The following ZPBP variants were observed in gnomAD, a reference collection of about 807,000 sequenced individuals.
The protein encoded by ZPBP is zona pellucida binding protein, also known as zona pellucida-binding protein 1.
ZPBP carries 26 observed loss-of-function variants against 44.8 expected under a neutral mutation model. The ratio of observed to expected loss-of-function variants is 0.58; its 90% CI spans 0.43 to 0.81. The LOEUF is 0.81. Ranked by LOEUF, ZPBP falls within the 30% of genes least tolerant of loss-of-function variation. The pLI is 0.00. For missense variants in ZPBP, 409 were observed against 434.0 expected (o/e 0.94, Z 0.51); for synonymous variants, 174 against 153.2 (o/e 1.14, Z -1.00).
intron 2 of ZPBP, among the ~76,000 whole-genome samples, chr7:49,884,041 C>G (rs534454189): frequency 6.6e-6 from 1 of 151,358 alleles, no homozygotes; most frequent in South Asian, 2.1e-4. Context: ...GAGGCAACTC[C>G]CAGGACCTTG....
intron 7 of ZPBP, among the ~76,000 whole-genome samples, chr7:49,938,938 G>C (rs759417587): frequency 6.6e-6 from 1 of 151,908 alleles, no homozygotes; most frequent in Non-Finnish European, 1.5e-5. Context: ...ATTTTTTAGA[G>C]GAAATATTTG....
Position 50,058,024 on chromosome 7 carries a change from A to C in ZPBP, c.452T>G (p.Ile151Ser). ...ATATTTTAGTTGAAGACGTTTAACA[A>C]TTTCTTCCACAGTAGGTTTATATTC... ...FLEYKPTVEE[I>S]VKRLQLKYAI... is the part of the protein sequence containing the mutation. The change falls in exon 4 of 8, where the codon ATT becomes AGT. Residue 151 changes from isoleucine (I) to serine (S), a missense_variant. Coordinates refer to ENST00000046087, the MANE Select transcript of ZPBP (RefSeq NM_007009.3). 6.2e-7 allele frequency: 1 copy of C among 1,612,930 alleles called. No individual in the cohort carries two copies. The highest frequency in any genetic ancestry group is 8.5e-7 in the Non-Finnish European group (1 of 1,179,622).
At chr7:49,863,083 C>T (rs1349383498) in intron 2 of ZPBP, among the ~76,000 whole-genome samples, 2 of 152,162 alleles carry the variant, frequency 1.3e-5, no homozygotes, top group African/African-American at 2.4e-5. Context: ...ACCAGTGAAA[C>T]CATCTGGTCC....
chr7:49,946,138 T>C (rs1277811251), intron 7 of ZPBP, among the ~76,000 whole-genome samples: 1 of 152,166 alleles, frequency 6.6e-6, no homozygotes, highest in Admixed American at 6.6e-5. Context: ...TTTTAGCTTT[T>C]TGTTGTTTCT....
At chr7:49,894,473 T>C (rs1562757714) in intron 2 of ZPBP, among the ~76,000 whole-genome samples, 1 of 152,254 alleles carries the variant, frequency 6.6e-6, no homozygotes, top group Non-Finnish European at 1.5e-5. Flanking sequence ...TACCATCCCT[T>C]GTTATAAAAA....
intron 7 of ZPBP, among the ~76,000 whole-genome samples, chr7:49,939,397 A>G (rs1316539551): frequency 5.3e-5 from 8 of 152,210 alleles, no homozygotes; most frequent in Non-Finnish European, 7.3e-5. Context: ...GTGTAACATC[A>G]TATAGTTCCT....
chr7:49,881,529 T>A, intron 2 of ZPBP, among the ~76,000 whole-genome samples: 1 of 152,176 alleles, frequency 6.6e-6, no homozygotes, highest in East Asian at 1.9e-4. Context: ...TTATTTGGGT[T>A]GAAACTAATC....
At chr7:49,932,115 T>C (rs796900932) in intron 1 of ZPBP, among the ~76,000 whole-genome samples, 3 of 152,212 alleles carry the variant, frequency 2.0e-5, no homozygotes, top group South Asian at 4.1e-4. Flanking sequence ...GGAGTTCTCA[T>C]GGAGAACCTC....
Position 50,018,283 on chromosome 7 carries a change from C to T in ZPBP, c.740G>A (p.Arg247Gln), listed in dbSNP as rs147255783. The change falls in exon 6 of 8, where the codon CGA (arginine) becomes CAA (glutamine). Residue 247 changes from arginine to glutamine, a missense_variant. Arg to Gln is a conservative substitution (Grantham distance 43, BLOSUM62 1). Around this residue, in one of 2 missense-constraint regions of ZPBP, gnomAD observed 367 missense variants for 363.1 expected, o/e 1.01. Coordinates refer to ENST00000046087, the MANE Select transcript of ZPBP (RefSeq NM_007009.3). Reference protein sequence around the residue: ...SSLDTEKGPKRCTDHNCEPYK... With the variant: ...SSLDTEKGPKQCTDHNCEPYK... ...AGGTTCACAGTTATGGTCTGTACATCGCTTGGGTCCTTTTTCAGTGTCTAG... is the reference window on the plus strand; with the variant it reads ...AGGTTCACAGTTATGGTCTGTACATTGCTTGGGTCCTTTTTCAGTGTCTAG... 19 of 1,610,258 alleles carry T rather than the reference C, an allele frequency of 1.2e-5. No individual in the cohort carries two copies. Among genetic ancestry groups the T allele is most frequent in the African/African-American group, 1.1e-4 (8 of 74,716 alleles).
At chr7:49,963,621 A>C (rs1795944810) in intron 7 of ZPBP, among the ~76,000 whole-genome samples, 1 of 151,846 alleles carries the variant, frequency 6.6e-6, no homozygotes, top group Non-Finnish European at 1.5e-5. Context: ...ATGTTAGTTA[A>C]ATGTTAGTTT....
At chr7:49,919,053 TA>T (rs34882788) in intron 1 of ZPBP, 62 of 143,304 alleles carry the variant, frequency 4.3e-4, no homozygotes, top group Admixed American at 5.6e-4. Context: ...AGACTCTGTT[TA>T]AAAAAAAAAA....
At chr7:50,078,496 C>T (rs886521620) in intron 3 of ZPBP, among the ~76,000 whole-genome samples, 2 of 151,258 alleles carry the variant, frequency 1.3e-5, no homozygotes, top group African/African-American at 4.8e-5. Flanking sequence ...ATCAAAACAT[C>T]TTATCCACCC....
chr7:50,057,369 C>T (rs1256356182), intron 4 of ZPBP, among the ~76,000 whole-genome samples: 1 of 152,086 alleles, frequency 6.6e-6, no homozygotes, highest in African/African-American at 2.4e-5. Flanking sequence ...GCAGTCCAAG[C>T]CTCTGATAAA....
intron 4 of ZPBP, among the ~76,000 whole-genome samples, chr7:50,045,764 A>G (rs1800324669): frequency 6.6e-6 from 1 of 152,210 alleles, no homozygotes; most frequent in East Asian, 1.9e-4. Context: ...TCAAGCTACC[A>G]TTGACTTTCT....
At chr7:49,894,159 CT>C (rs1298835245) in intron 2 of ZPBP, among the ~76,000 whole-genome samples, 7 of 55,474 alleles carry the variant, frequency 1.3e-4, no homozygotes, top group African/African-American at 5.9e-4. Context: ...TAGGCTTTTT[CT>C]TTTCTTTCTT....
chr7:49,938,160 A>C (rs1018001438), intron 7 of ZPBP, among the ~76,000 whole-genome samples: 1 of 152,166 alleles, frequency 6.6e-6, no homozygotes, highest in African/African-American at 2.4e-5. Flanking sequence ...CAGAAGCCAC[A>C]AGAGGTCAAC....
At chr7:50,065,424 G>A (rs2366027) in intron 3 of ZPBP, among the ~76,000 whole-genome samples, 123,478 of 150,450 alleles carry the variant, frequency 0.82, 51,629 homozygotes, top group East Asian at 0.88. Flanking sequence ...GCGTTTCTCC[G>A]TAGAGTTTTG....
intron 2 of ZPBP, among the ~76,000 whole-genome samples, chr7:49,851,154 G>T (rs1028598224): frequency 6.6e-6 from 1 of 152,158 alleles, no homozygotes; most frequent in African/African-American, 2.4e-5. Context: ...GGTTTTAGAG[G>T]CTTCACTGCA....
chr7:49,980,863 G>C (rs1397523143), intron 7 of ZPBP, among the ~76,000 whole-genome samples: 1 of 151,938 alleles, frequency 6.6e-6, no homozygotes, highest in East Asian at 1.9e-4. Flanking sequence ...TTCTCATTAA[G>C]TCATTTCTAA....
Sources: gnomAD v4.1 joint callset for allele counts (sites outside exome capture counted in the v4.1 genomes callset) on GRCh38, gnomAD v4.1.1 for gene constraint, gnomAD v4.1.1 regional missense constraint, MANE v1.5 for transcripts, NCBI Gene and HGNC (gene_info 2026-07-23, HGNC 2026-07-21) for gene names.